Variants in PPP1R12A observed in about 807,000 individuals in gnomAD.
PPP1R12A encodes the protein protein phosphatase 1 regulatory subunit 12A, also known as myosin binding subunit.
In PPP1R12A, 19 loss-of-function variants were observed where a neutral mutation model predicts 139.6. The ratio of observed to expected loss-of-function variants is 0.14; its 90% CI spans 0.09 to 0.20. The LOEUF is 0.20. PPP1R12A is among the 10% of genes least tolerant of loss of function. The pLI, the probability that PPP1R12A is intolerant of heterozygous loss-of-function variation, is 1.00. For missense variants in PPP1R12A, 925 were observed against 1,211.5 expected, an observed-to-expected ratio of 0.76 and a Z score of 3.51; for synonymous variants, 427 against 420.6, an observed-to-expected ratio of 1.02 and a Z score of -0.19.
intron 19 of PPP1R12A, among the ~76,000 whole-genome samples, chr12:79,792,438 A>G (rs1871997707): frequency 6.6e-6 from 1 of 152,140 alleles, no homozygotes; most frequent in Admixed American, 6.6e-5. Context: ...TCTTTGTTTA[A>G]TCCAGTTTGA....
intron 18 of PPP1R12A, among the ~76,000 whole-genome samples, chr12:79,794,760 G>T (rs1702982989): frequency 1.3e-5 from 1 of 75,798 alleles, no homozygotes; most frequent in Admixed American, 1.4e-4. Context: ...TTCTTTCAGT[G>T]AAAGAATAGT....
chr12:79,841,051 T>TAACAA, intron 3 of PPP1R12A, among the ~76,000 whole-genome samples: 1 of 131,442 alleles, frequency 7.6e-6, no homozygotes, highest in South Asian at 2.4e-4. Context: ...CCTTTTTATT[T>TAACAA]AAAAAAAAAA....
chr12:79,832,399 G>A lies in PPP1R12A; in HGVS notation c.580C>T (p.Arg194Trp), dbSNP rs1236294538. Residue 194 changes from arginine to tryptophan, a missense_variant, in exon 4 of 25, where the codon CGG becomes TGG. Around this residue, in one of 4 missense-constraint regions of PPP1R12A, gnomAD observed 199 missense variants for 352.4 expected, o/e 0.56. Transcript: ENST00000450142. ...WLNSGHINDV[R>W]HAKSGGTALH... Reference sequence around the variant, plus strand: ...GCTGTACCTCCAGATTTTGCATGCCGGACATCATTTATATGACCACTATTT... The same window carrying A: ...GCTGTACCTCCAGATTTTGCATGCCAGACATCATTTATATGACCACTATTT... 4.3e-6 allele frequency: 7 copies of A among 1,613,304 alleles called. No individual in the cohort carries two copies. The highest frequency in any genetic ancestry group is 2.7e-5 in the African/African-American group (2 of 74,862).
chr12:79,814,502 G>GAAAAC (rs1875043894), intron 9 of PPP1R12A, among the ~76,000 whole-genome samples: 1 of 39,082 alleles, frequency 2.6e-5, no homozygotes, highest in South Asian at 9.1e-4. Context: ...AAAAAAAAAG[G>GAAAAC]ACTCCCCCTC....
At chr12:79,899,197 C>A (rs1438459538) in intron 1 of PPP1R12A, among the ~76,000 whole-genome samples, 4 of 146,562 alleles carry the variant, frequency 2.7e-5, no homozygotes, top group Non-Finnish European at 6.0e-5. Flanking sequence ...TCTTTTGATG[C>A]AAAATTTAGA....
intron 2 of PPP1R12A, among the ~76,000 whole-genome samples, chr12:79,849,918 G>C (rs1412893314): frequency 2.0e-5 from 3 of 151,946 alleles, no homozygotes; most frequent in Non-Finnish European, 4.4e-5. Context: ...GAACTCTTAG[G>C]CTCAAGCCAT....
intron 1 of PPP1R12A, among the ~76,000 whole-genome samples, chr12:79,929,327 G>A (rs567596945): frequency 2.6e-5 from 4 of 152,290 alleles, no homozygotes; most frequent in African/African-American, 7.2e-5. Context: ...ACGGCCCAGC[G>A]TTTGTGAACC....
At chr12:79,871,381 A>G (rs556802227) in intron 2 of PPP1R12A, among the ~76,000 whole-genome samples, 3 of 152,344 alleles carry the variant, frequency 2.0e-5, no homozygotes, top group South Asian at 4.1e-4. Flanking sequence ...AAAAGGAAAC[A>G]TAAGAATTAA....
chr12:79,846,803 C>T (rs1368767723), intron 2 of PPP1R12A, among the ~76,000 whole-genome samples: 2 of 151,968 alleles, frequency 1.3e-5, no homozygotes, highest in African/African-American at 4.8e-5. Context: ...ATGTACAGCC[C>T]TCACTGATCT....
intron 1 of PPP1R12A, among the ~76,000 whole-genome samples, chr12:79,898,349 G>T (rs1048609523): frequency 2.4e-4 from 36 of 152,138 alleles, no homozygotes; most frequent in Non-Finnish European, 1.8e-4. Flanking sequence ...CCAGCTACTT[G>T]GGAGGCTGAG....
intron 2 of PPP1R12A, among the ~76,000 whole-genome samples, chr12:79,869,629 A>T (rs1882349154): frequency 6.6e-6 from 1 of 152,220 alleles, no homozygotes; most frequent in Non-Finnish European, 1.5e-5. Context: ...GATGTAAACC[A>T]GTAGGGAATG....
intron 1 of PPP1R12A, among the ~76,000 whole-genome samples, chr12:79,904,039 A>T (rs1885879092): frequency 6.6e-6 from 1 of 152,036 alleles, no homozygotes; most frequent in African/African-American, 2.4e-5. Context: ...ACATGGTGAA[A>T]TCTCGTTTCT....
chr12:79,809,849 A>T lies in PPP1R12A; in HGVS notation c.1401T>A (p.Val467=), dbSNP rs775185231. The change falls in exon 10 of 25, where the codon GTT becomes GTA. Residue 467 remains valine, a synonymous_variant. Transcript: ENST00000450142. ...EGQKEKDTAG[V]TRSASSPRLS... The stretch of plus-strand genomic sequence containing the variant: ...GTCTGGGACTTGAAGCTGAACGTGT[A>T]ACACCTGCAGTATCTTTTTCTTTCT... 3.1e-6 allele frequency: 5 copies of T among 1,613,480 alleles called. No homozygotes were observed. The African/African-American group carries it at 6.7e-5, about 22-fold the overall frequency.
chr12:79,918,640 T>C (rs11114270), intron 1 of PPP1R12A, among the ~76,000 whole-genome samples: 6,138 of 152,246 alleles, frequency 0.04, 435 homozygotes, highest in East Asian at 0.29. Context: ...CCATCTACTA[T>C]TTTCCAACCC....
chr12:79,848,523 A>G (rs1172497723), intron 2 of PPP1R12A, among the ~76,000 whole-genome samples: 3 of 152,182 alleles, frequency 2.0e-5, no homozygotes, highest in Admixed American at 2.0e-4. Context: ...AATACGGACA[A>G]TACAGAATTT....
intron 23 of PPP1R12A, 60 bp from the exon 24 acceptor site, chr12:79,778,660 C>T (rs2136963172): frequency 1.7e-6 from 2 of 1,158,204 alleles, no homozygotes; most frequent in East Asian, 5.2e-5. Context: ...AAGTCTTCTT[C>T]TATACTGTGA....
At chr12:79,849,575 T>C (rs959934106) in intron 2 of PPP1R12A, among the ~76,000 whole-genome samples, 1 of 152,152 alleles carries the variant, frequency 6.6e-6, no homozygotes, top group African/African-American at 2.4e-5. Context: ...AGGAAAAATA[T>C]GCCATAGTTA....
chr12:79,804,811 T>C (rs1324174287), intron 14 of PPP1R12A, among the ~76,000 whole-genome samples: 4 of 152,126 alleles, frequency 2.6e-5, no homozygotes, highest in Non-Finnish European at 5.9e-5. Context: ...TCCTGCAATC[T>C]TGGGGCTAGC....
At chr12:79,932,407 TGA>T (rs1423708536) in intron 1 of PPP1R12A, among the ~76,000 whole-genome samples, 1 of 152,156 alleles carries the variant, frequency 6.6e-6, no homozygotes, top group African/African-American at 2.4e-5. Flanking sequence ...AAATAAGAAA[TGA>T]GAGTGAAGAA....
Sources: allele counts gnomAD v4.1 joint callset (sites outside exome capture counted in the v4.1 genomes callset), GRCh38; gene constraint gnomAD v4.1.1; regional missense constraint gnomAD v4.1.1; transcripts MANE v1.5; gene names NCBI Gene and HGNC (gene_info 2026-07-23, HGNC 2026-07-21).